Variants in DNAH10 observed in about 807,000 individuals in gnomAD.
DNAH10 encodes the protein dynein axonemal heavy chain 10.
Under a neutral mutation model 506.6 loss-of-function variants are expected in DNAH10, and 348 were observed. The ratio of observed to expected loss-of-function variants is 0.69; its 90% CI spans 0.63 to 0.75. The LOEUF (loss-of-function observed/expected upper bound fraction) is 0.75. Ranked by LOEUF, DNAH10 falls within the 30% of genes least tolerant of loss-of-function variation. The pLI is 0.00. For missense variants in DNAH10, 5,179 were observed against 5,787.1 expected (o/e 0.89, Z 3.41); for synonymous variants, 2,059 against 2,198.6 (o/e 0.94, Z 1.78).
At chr12:123,854,123 A>G (rs919586178) in intron 36 of DNAH10, among the ~76,000 whole-genome samples, 5 of 98,828 alleles carry the variant, frequency 5.1e-5, no homozygotes, top group Non-Finnish European at 1.0e-4. Flanking sequence ...TTATGCTCTT[A>G]CAAAAAAGGA....
intron 48 of DNAH10, 135 bp downstream of exon 48, chr12:123,878,043 A>G: frequency 8.2e-7 from 1 of 1,221,042 alleles, no homozygotes; most frequent in Non-Finnish European, 1.1e-6. Context: ...GCTTATGTTG[A>G]AGAAGAGAGA....
intron 25 of DNAH10, 25 bp downstream of exon 25, chr12:123,826,923 A>G (rs759174190): frequency 6.3e-7 from 1 of 1,585,452 alleles, no homozygotes; most frequent in South Asian, 1.1e-5. Flanking sequence ...CTGTCCGCAG[A>G]TGTAAAAGTG....
intron 23 of DNAH10, among the ~76,000 whole-genome samples, 172 bp downstream of exon 23, chr12:123,819,422 G>A (rs200334910): frequency 6.7e-6 from 1 of 149,088 alleles, no homozygotes; most frequent in Non-Finnish European, 1.5e-5. Context: ...AAAAAAAAAA[G>A]CTGGATTAAT....
rs543455144 is a variant in DNAH10 at position 123,929,929 on chromosome 12, T to C, written c.12612+170T>C. 4.2e-5 allele frequency: 27 copies of C among 650,472 alleles called. No individual in the cohort carries two copies. The Admixed American group carries it at 6.6e-4, about 16-fold the overall frequency. The allele number at this position is 650,472 out of a possible 1,614,324, so 40.3% of individuals were successfully genotyped here. ...TCACCTGGTTGTTCTTTGTCCTAAG[T>C]GAGCTCTGTTCACATGGAGGTTCCC... On this transcript the variant is annotated intron_variant, in intron 72 of 78. Transcript: ENST00000673944.
chr12:123,814,973 A>G (rs898578992), intron 21 of DNAH10, among the ~76,000 whole-genome samples: 1 of 152,320 alleles, frequency 6.6e-6, no homozygotes, highest in Admixed American at 6.5e-5. Flanking sequence ...CAGAAATAAT[A>G]GAAGAATCAC....
chr12:123,841,380 T>C lies in DNAH10; in HGVS notation c.5195T>C (p.Val1732Ala). ...FNDGDSGEKL[V>A]SAMISAEGEV... ...GACGGCGATAGTGGAGAAAAACTGG[T>C]GTCCGCGATGATTTCAGCAGAAGGA... The change falls in exon 30 of 79, where the codon GTG (valine) becomes GCG (alanine). Residue 1732 changes from valine (V) to alanine (A), a missense_variant. By Grantham distance (64) the Val-to-Ala change is moderately conservative (BLOSUM62 0). This residue lies in a region of DNAH10 where 4,844 missense variants were observed against 5,430.5 expected (regional missense o/e 0.89). Coordinates refer to ENST00000673944, the MANE Select transcript of DNAH10 (RefSeq NM_001372106.1). The C allele has an allele frequency of 6.2e-7, 1 of 1,613,934 alleles. No individual in the cohort carries two copies. The highest frequency in any genetic ancestry group is 8.5e-7 in the Non-Finnish European group (1 of 1,179,878).
chr12:123,879,429 A>G lies in DNAH10; in HGVS notation c.8466+72A>G, dbSNP rs533883977. ...TAAACAAGCGCCAAAAGTGTTTTTTATATTAGGACGCGAATTGTGGAAAAA... is the reference window on the plus strand; with the variant it reads ...TAAACAAGCGCCAAAAGTGTTTTTTGTATTAGGACGCGAATTGTGGAAAAA... On this transcript the variant is annotated intron_variant, in intron 49 of 78. Transcript: ENST00000673944. 9.2e-6 allele frequency: 14 copies of G among 1,526,302 alleles called. No individual in the cohort carries two copies. The South Asian group carries it at 1.6e-4, about 17-fold the overall frequency. 94.5% of individuals were successfully genotyped at this position (1,526,302 alleles called of 1,614,324 possible).
chr12:123,884,404 G>A (rs1952640616), intron 51 of DNAH10, among the ~76,000 whole-genome samples: 1 of 152,154 alleles, frequency 6.6e-6, no homozygotes, highest in Non-Finnish European at 1.5e-5. Context: ...CGATAGACTG[G>A]CTGGCTCGTG....
intron 6 of DNAH10, among the ~76,000 whole-genome samples, chr12:123,782,763 CT>C (rs1484646881): frequency 6.6e-6 from 1 of 152,054 alleles, no homozygotes; most frequent in Admixed American, 6.6e-5. Flanking sequence ...CATTTTTCCC[CT>C]GATTTATCTT....
intron 8 of DNAH10, 89 bp downstream of exon 8, chr12:123,784,266 G>T: frequency 7.4e-7 from 1 of 1,357,144 alleles, no homozygotes; most frequent in African/African-American, 1.4e-5. Context: ...TCAGCATTTG[G>T]CCAGGAGCAG....
At chr12:123,858,121 C>T (rs952416198) in intron 37 of DNAH10, among the ~76,000 whole-genome samples, 40 of 151,992 alleles carry the variant, frequency 2.6e-4, no homozygotes, top group African/African-American at 9.7e-4. Flanking sequence ...TGTTTTGAGG[C>T]ATCAACCATC....
At chr12:123,778,664 C>G (rs964725679) in intron 5 of DNAH10, among the ~76,000 whole-genome samples, 3 of 150,666 alleles carry the variant, frequency 2.0e-5, no homozygotes, top group African/African-American at 7.3e-5. Flanking sequence ...TCACTGCACT[C>G]CAGCCTGGGT....
intron 62 of DNAH10, among the ~76,000 whole-genome samples, chr12:123,915,710 T>C (rs1265061686): frequency 6.6e-6 from 1 of 152,188 alleles, no homozygotes; most frequent in African/African-American, 2.4e-5. Flanking sequence ...CGTCATTCCT[T>C]CCTTGGGCTG....
At chr12:123,915,847 T>C (rs968482936) in intron 62 of DNAH10, among the ~76,000 whole-genome samples, 9 of 152,260 alleles carry the variant, frequency 5.9e-5, no homozygotes, top group African/African-American at 1.9e-4. Context: ...CACGTTTCTA[T>C]GTGGCCATGT....
At position 123,816,319 on chromosome 12, in the gene DNAH10, G is replaced by A. The variant is rs146867484; in HGVS notation, c.3780+2407G>A. Among the ~76,000 whole-genome samples, 332 of 152,268 alleles carry A rather than the reference G, an allele frequency of 2.2e-3. 3 individuals are homozygous for A. Among genetic ancestry groups the A allele is most frequent in the African/African-American group, 7.3e-3 (302 of 41,560 alleles). ...ATTTAGAGGTTTGGAACTTTCAGGC[G>A]CCCATCTTTGCCACCCTTGGGGAGG... On this transcript the variant is annotated intron_variant, in intron 21 of 78. Transcript: ENST00000673944.
In DNAH10 at chr12:123,857,084, A is replaced by G. The variant is rs777024422; in HGVS notation, c.6467A>G (p.Asp2156Gly). 1.2e-6 allele frequency: 2 copies of G among 1,612,998 alleles called. No individual in the cohort carries two copies. Among genetic ancestry groups the G allele is most frequent in the Non-Finnish European group, 1.7e-6 (2 of 1,179,522 alleles). ...EDVVLMRALR[D>G]MNLPKFVFED... is the part of the protein sequence containing the mutation. ...GTGGTGCTGATGAGGGCCTTGCGAG[A>G]CATGAACTTGCCCAAATTTGTGTTT... Residue 2156 changes from aspartate (D) to glycine (G), a missense_variant, in exon 37 of 79, where the codon GAC becomes GGC. By Grantham distance (94) the Asp-to-Gly change is moderately conservative. Around this residue, in one of 3 missense-constraint regions of DNAH10, gnomAD observed 4,844 missense variants for 5,430.5 expected, o/e 0.89. Transcript: ENST00000673944.
At chr12:123,796,533 A>G (rs1165870781) in intron 12 of DNAH10, 123 bp from the exon 13 acceptor site, 3 of 816,578 alleles carry the variant, frequency 3.7e-6, no homozygotes, top group African/African-American at 1.7e-5. Context: ...TGAAAACACT[A>G]TTCTGCATCT....
Position 123,872,646 on chromosome 12 carries a change from A to G in DNAH10, c.7786-912A>G, listed in dbSNP as rs187540920. On this transcript the variant is annotated intron_variant, in intron 45 of 78. Transcript: ENST00000673944. ...GCCTTGGCATCACTGGAAACTTGTT[A>G]AAAAAATACCCTAGACCACCAGGAA... Among the ~76,000 whole-genome samples the G allele has an allele frequency of 1.4e-4, 21 of 147,352 alleles. 1 individual carries two copies. Among genetic ancestry groups the G allele is most frequent in the African/African-American group, 5.4e-4 (21 of 38,738 alleles).
At chr12:123,879,957 T>C (rs1952432125) in intron 50 of DNAH10, among the ~76,000 whole-genome samples, 156 bp downstream of exon 50, 1 of 152,150 alleles carries the variant, frequency 6.6e-6, no homozygotes, top group Non-Finnish European at 1.5e-5. Flanking sequence ...GGTTCCCACA[T>C]CCAGCATGCT....
Sources: allele counts gnomAD v4.1 joint callset (sites outside exome capture counted in the v4.1 genomes callset), GRCh38; gene constraint gnomAD v4.1.1; regional missense constraint gnomAD v4.1.1; transcripts MANE v1.5; gene names NCBI Gene and HGNC (gene_info 2026-07-23, HGNC 2026-07-21).